MED27: variants seen among roughly 807,000 people sequenced by gnomAD.
MED27 encodes the protein mediator of RNA polymerase II transcription subunit 27.
MED27 carries 30 observed loss-of-function variants against 38.2 expected under a neutral mutation model. That is an observed-to-expected ratio of 0.79 (90% CI 0.59 to 1.07). The LOEUF (loss-of-function observed/expected upper bound fraction) is 1.07, where lower values mean the gene tolerates loss of function less well. Ranked by LOEUF, MED27 falls within the 50% of genes least tolerant of loss-of-function variation. The pLI, the probability that MED27 is intolerant of heterozygous loss-of-function variation, is 0.00. For missense variants in MED27, 289 were observed against 397.5 expected (o/e 0.73, Z 2.32); for synonymous variants, 122 against 153.5 (o/e 0.79, Z 1.52).
intron 4 of MED27, among the ~76,000 whole-genome samples, chr9:131,914,888 A>T (rs1830261020): frequency 6.6e-6 from 1 of 152,218 alleles, no homozygotes. Flanking sequence ...GGAATTTACC[A>T]ATGGATTGAT....
At chr9:131,935,054 C>T (rs550120220) in intron 4 of MED27, among the ~76,000 whole-genome samples, 135 of 151,862 alleles carry the variant, frequency 8.9e-4, no homozygotes, top group African/African-American at 1.9e-3. Flanking sequence ...TGGTTACCAG[C>T]GGCTGAGAAG....
intron 2 of MED27, among the ~76,000 whole-genome samples, chr9:132,074,580 TA>T (rs1451762327): frequency 6.6e-6 from 1 of 152,236 alleles, no homozygotes; most frequent in Non-Finnish European, 1.5e-5. Context: ...CTTTACCAAT[TA>T]AAAAGCTCTT....
intron 4 of MED27, among the ~76,000 whole-genome samples, chr9:131,923,824 G>A (rs907626140): frequency 1.3e-5 from 2 of 152,092 alleles, no homozygotes; most frequent in African/African-American, 2.4e-5. Context: ...GAGCAGATAA[G>A]GGTATTTTAT....
intron 3 of MED27, among the ~76,000 whole-genome samples, chr9:131,962,365 T>C (rs1831235243): frequency 6.6e-6 from 1 of 152,170 alleles, no homozygotes; most frequent in Non-Finnish European, 1.5e-5. Context: ...GCCTCCTGAG[T>C]AGCTGGCATT....
At chr9:131,925,863 C>T (rs1045146186) in intron 4 of MED27, among the ~76,000 whole-genome samples, 5 of 152,242 alleles carry the variant, frequency 3.3e-5, no homozygotes, top group Non-Finnish European at 5.9e-5. Context: ...AAGATGCCCA[C>T]TGCACTATAA....
chr9:132,024,762 T>C (rs1832782793), intron 2 of MED27, among the ~76,000 whole-genome samples: 1 of 152,190 alleles, frequency 6.6e-6, no homozygotes, highest in Admixed American at 6.5e-5. Flanking sequence ...GTGCTCTAAA[T>C]GAAAGGCAAT....
chr9:131,885,838 A>G (rs1009365214), intron 5 of MED27, among the ~76,000 whole-genome samples: 2 of 152,202 alleles, frequency 1.3e-5, no homozygotes, highest in East Asian at 3.8e-4. Flanking sequence ...GAAAGCCATC[A>G]CTGTGTCCCA....
At chr9:132,052,729 C>A (rs867357070) in intron 2 of MED27, among the ~76,000 whole-genome samples, 3 of 148,992 alleles carry the variant, frequency 2.0e-5, no homozygotes, top group Admixed American at 6.8e-5. Flanking sequence ...CATGTGCACA[C>A]ATTATTTAGC....
intron 2 of MED27, among the ~76,000 whole-genome samples, chr9:132,017,427 C>A (rs1832628718): frequency 6.6e-6 from 1 of 152,200 alleles, no homozygotes; most frequent in African/African-American, 2.4e-5. Flanking sequence ...AATAAACATA[C>A]TTCTCTCCAA....
intron 4 of MED27, among the ~76,000 whole-genome samples, chr9:131,932,200 T>C (rs1160589958): frequency 4.0e-5 from 6 of 151,216 alleles, no homozygotes; most frequent in Non-Finnish European, 7.4e-5. Flanking sequence ...TGGAATAAAA[T>C]TAGCAATCAA....
At chr9:131,884,222 A>G (rs1839099113) in intron 5 of MED27, 123 bp from the exon 6 acceptor site, 1 of 641,746 alleles carries the variant, frequency 1.6e-6, no homozygotes, top group Admixed American at 3.7e-5. Context: ...ATAGAATAAT[A>G]GGATCTCAGG....
intron 3 of MED27, among the ~76,000 whole-genome samples, chr9:132,005,589 C>T (rs556890248): frequency 2.6e-5 from 4 of 152,260 alleles, no homozygotes; most frequent in African/African-American, 4.8e-5. Flanking sequence ...AAAAACTGGC[C>T]GAAATTGGGA....
Position 131,997,136 on chromosome 9 carries a change from C to T in MED27, c.479+17201G>A, listed in dbSNP as rs1832108278. 6.6e-6 allele frequency among the ~76,000 whole-genome samples: 1 copy of T among 151,748 alleles called. No individual in the cohort carries two copies. Among genetic ancestry groups the T allele is most frequent in the Non-Finnish European group, 1.5e-5 (1 of 67,980 alleles). ...AGCCAAGTTTTTCTCCTCTGTAAGC[C>T]CTTATCTTATCATGTTGAAAGGTTG... On this transcript the variant is annotated intron_variant, in intron 3 of 7. Coordinates refer to ENST00000292035, the MANE Select transcript of MED27 (RefSeq NM_004269.4). The surrounding 1 kb of genome is among the most constrained non-coding windows in gnomAD (Gnocchi z 4.0).
At chr9:131,937,339 G>A (rs1009123353) in intron 4 of MED27, among the ~76,000 whole-genome samples, 1 of 152,164 alleles carries the variant, frequency 6.6e-6, no homozygotes, top group Non-Finnish European at 1.5e-5. Context: ...GAGTTCCTGT[G>A]TCGCTGAAGA....
chr9:131,891,735 C>T (rs994887522), intron 5 of MED27, among the ~76,000 whole-genome samples: 1 of 152,154 alleles, frequency 6.6e-6, no homozygotes, highest in African/African-American at 2.4e-5. Context: ...TTTAGGAAGA[C>T]AGCTCTGGAA....
At chr9:131,870,494 G>A (rs1838812753) in intron 6 of MED27, among the ~76,000 whole-genome samples, 1 of 152,142 alleles carries the variant, frequency 6.6e-6, no homozygotes, top group Admixed American at 6.5e-5. Flanking sequence ...TAAGTCAGGG[G>A]GCTAAGTCAC....
chr9:131,894,971 G>C (rs971797056), intron 4 of MED27, among the ~76,000 whole-genome samples: 2 of 152,058 alleles, frequency 1.3e-5, no homozygotes, highest in Admixed American at 6.6e-5. Context: ...TTGGGTTTTG[G>C]CCTTCACACG....
intron 3 of MED27, among the ~76,000 whole-genome samples, chr9:131,941,486 A>G (rs1388464834): frequency 2.0e-5 from 3 of 152,112 alleles, no homozygotes; most frequent in Non-Finnish European, 4.4e-5. Context: ...TCCTTAGAGA[A>G]TGTTATGTCG....
intron 4 of MED27, among the ~76,000 whole-genome samples, chr9:131,932,484 G>T (rs1219488824): frequency 6.6e-6 from 1 of 151,422 alleles, no homozygotes; most frequent in Non-Finnish European, 1.5e-5. Context: ...GCTACTATGA[G>T]CAACTACATG....
Sources: gnomAD v4.1 joint callset for allele counts (sites outside exome capture counted in the v4.1 genomes callset) on GRCh38, gnomAD v4.1.1 for gene constraint, Gnocchi (gnomAD v3.1) non-coding constraint, MANE v1.5 for transcripts, NCBI Gene and HGNC (gene_info 2026-07-23, HGNC 2026-07-21) for gene names.